The following LRRC53 variants were observed in gnomAD, a reference collection of about 807,000 sequenced individuals.
The protein encoded by LRRC53 is leucine rich repeat containing 53, also known as leucine-rich repeat-containing protein 53.
Under a neutral mutation model 13.6 loss-of-function variants are expected in LRRC53, and 25 were observed. The ratio of observed to expected loss-of-function variants is 1.83; its 90% CI spans 1.34 to 2.56. The LOEUF (loss-of-function observed/expected upper bound fraction) is 2.56, where lower values mean the gene tolerates loss of function less well. Among genes scored for constraint, LRRC53 ranks in the 30% most tolerant of loss-of-function variants. The pLI is 0.00. For missense variants in LRRC53, 527 were observed against 275.8 expected (o/e 1.91, Z -6.45); for synonymous variants, 204 against 109.8 (o/e 1.86, Z -5.37).
the LRRC53 span, among the ~76,000 whole-genome samples, chr1:74,529,189 GA>G: frequency 2.0e-5 from 3 of 152,134 alleles, no homozygotes; most frequent in Non-Finnish European, 2.9e-5. Context: ...AAGAGAAAAA[GA>G]GTAATTTTAT....
chr1:74,473,112 A>G (rs1228076992), intron 4 of LRRC53, among the ~76,000 whole-genome samples: 2 of 152,154 alleles, frequency 1.3e-5, no homozygotes, highest in Non-Finnish European at 1.5e-5. Context: ...GACAAAAATA[A>G]TAGTAATACC....
In LRRC53 at chr1:74,475,541, A is replaced by T. The variant is rs1668157619; in HGVS notation, c.1174T>A (p.Ser392Thr). The change falls in exon 4 of 5, where the codon TCT becomes ACT. Residue 392 changes from serine (S) to threonine (T), a missense_variant. Ser to Thr is a moderately conservative substitution (Grantham distance 58). Coordinates refer to ENST00000294635, the MANE Select transcript of LRRC53 (RefSeq NM_001382280.1). ...NSHQATSASESATLDGSFRNL... is the reference protein window; with the variant it reads ...NSHQATSASETATLDGSFRNL... ...CTAAATGATCCGTCAAGGGTTGCAG[A>T]CTCAGAGGCCGATGTTGCTTGATGG... 1 of 717,304 alleles carries T rather than the reference A, an allele frequency of 1.4e-6. No homozygotes were observed. The highest frequency in any genetic ancestry group is 2.6e-6 in the Non-Finnish European group (1 of 384,950). 44.4% of individuals were successfully genotyped at this position (717,304 alleles called of 1,614,324 possible). A position where few individuals can be genotyped will look rare whatever the true frequency, so the allele number is the denominator to read the frequency against.
intron 1 of LRRC53, among the ~76,000 whole-genome samples, chr1:74,505,770 T>A (rs1201240315): frequency 6.6e-6 from 1 of 152,052 alleles, no homozygotes; most frequent in African/African-American, 2.4e-5. Context: ...ACTAACGAAA[T>A]CTGAAAAAAT....
chr1:74,509,764 T>G (rs1267047913), intron 1 of LRRC53, among the ~76,000 whole-genome samples: 1 of 136,594 alleles, frequency 7.3e-6, no homozygotes, highest in Non-Finnish European at 1.6e-5. Context: ...TTTTTTTTTT[T>G]TTTTTTTTTT....
At chr1:74,484,891 TA>T (rs1668673521) in intron 1 of LRRC53, among the ~76,000 whole-genome samples, 1 of 152,194 alleles carries the variant, frequency 6.6e-6, no homozygotes. Flanking sequence ...TACTTTTAGA[TA>T]AGCAAAGAAC....
the LRRC53 span, among the ~76,000 whole-genome samples, chr1:74,533,078 A>G: frequency 6.6e-6 from 1 of 152,226 alleles, no homozygotes; most frequent in Non-Finnish European, 1.5e-5. Context: ...ATCTAATTAA[A>G]CTAAAGAGCT....
intron 1 of LRRC53, among the ~76,000 whole-genome samples, chr1:74,497,577 C>T (rs1468481029): frequency 4.0e-5 from 6 of 150,574 alleles, no homozygotes; most frequent in African/African-American, 1.2e-4. Context: ...CACACACACA[C>T]ACACATACAC....
chr1:74,532,237 T>G, the LRRC53 span, among the ~76,000 whole-genome samples: 1 of 152,152 alleles, frequency 6.6e-6, no homozygotes, highest in Non-Finnish European at 1.5e-5. Context: ...AGCAAGCAAT[T>G]GTTGGATAAA....
Position 74,471,668 on chromosome 1 carries a change from T to C in LRRC53, c.1954A>G (p.Met652Val), listed in dbSNP as rs1667938285. Reference protein sequence around the residue: ...DPDLVEINRSMMSPKISTPWK... With the variant: ...DPDLVEINRSVMSPKISTPWK... Reference sequence around the variant, plus strand: ...GGGGTTGATATTTTGGGTGACATCATCGACCTATTTATTTCTACTAAATCA... The same window carrying C: ...GGGGTTGATATTTTGGGTGACATCACCGACCTATTTATTTCTACTAAATCA... Residue 652 changes from methionine (M) to valine (V), a missense_variant, in exon 5 of 5, where the codon ATG becomes GTG. Coordinates refer to ENST00000294635, the MANE Select transcript of LRRC53 (RefSeq NM_001382280.1). 2 of 400,764 alleles carry C rather than the reference T, an allele frequency of 5.0e-6. No homozygotes were observed. The highest frequency in any genetic ancestry group is 8.8e-5 in the Admixed American group (2 of 22,732). 24.8% of individuals were successfully genotyped at this position (400,764 alleles called of 1,614,324 possible). A position where few individuals can be genotyped will look rare whatever the true frequency, so the allele number is the denominator to read the frequency against.
rs910891291 is a variant in LRRC53 at position 74,471,295 on chromosome 1, C to T, written c.2327G>A (p.Ser776Asn). ...CSADFLQQSE[S>N]SNYVRLTSKR... ...TGAAGTGAGTCTAACATAGTTGCTA[C>T]TCTCTGACTGTTGAAGAAAATCTGC... Residue 776 changes from serine (S) to asparagine (N), a missense_variant, in exon 5 of 5, where the codon AGT becomes AAT. Physicochemically the swap from Ser to Asn is conservative, Grantham distance 46 (BLOSUM62 1). Coordinates refer to ENST00000294635, the MANE Select transcript of LRRC53 (RefSeq NM_001382280.1). 2.5e-6 allele frequency: 1 copy of T among 400,504 alleles called. No homozygotes were observed. The highest frequency in any genetic ancestry group is 2.1e-5 in the African/African-American group (1 of 48,674). 24.8% of individuals were successfully genotyped at this position (400,504 alleles called of 1,614,324 possible). A position where few individuals can be genotyped will look rare whatever the true frequency, so the allele number is the denominator to read the frequency against.
In LRRC53 at chr1:74,503,268, T is replaced by C. The variant is rs1669727711; in HGVS notation, c.-27+9258A>G. On this transcript the variant is annotated intron_variant, in intron 1 of 4. Coordinates refer to ENST00000294635, the MANE Select transcript of LRRC53 (RefSeq NM_001382280.1). The stretch of plus-strand genomic sequence containing the variant: ...AATACAATAGGGAATCAGCATCTTT[T>C]AGCTAATTCTACTTAGAAATAATTT... Among the ~76,000 whole-genome samples, 2 of 152,218 alleles carry C rather than the reference T, an allele frequency of 1.3e-5. 1 individual carries two copies. The highest frequency in any genetic ancestry group is 4.1e-4 in the South Asian group (2 of 4,836).
chr1:74,484,953 G>C (rs1193034092), intron 1 of LRRC53, among the ~76,000 whole-genome samples: 1 of 152,174 alleles, frequency 6.6e-6, no homozygotes, highest in Non-Finnish European at 1.5e-5. Context: ...AAGGGATGAT[G>C]TGGTGTAGAG....
rs1667900419 is a variant in LRRC53, at chr1:74,471,007, AC to A, written c.2614del (p.Val872CysfsTer5). ...CCAAGTAGTTGCTAAATAACTAAGC[AC>A]TTTTGATTCAAGCTGAGTTGCATCT... Reference protein sequence around the residue: ...MEDATQLESKVLSYLATTWEN... With the variant: ...MEDATQLESKXLSYLATTWEN... On this transcript the variant is annotated frameshift_variant, in exon 5 of 5. Transcript: ENST00000294635. LOFTEE classifies it low-confidence loss of function (END_TRUNC). 15 of 400,700 alleles carry A rather than the reference AC, an allele frequency of 3.7e-5. No homozygotes were observed. In the East Asian group the frequency reaches 5.3e-4, roughly 14 times the overall value. 24.8% of individuals were successfully genotyped at this position (400,700 alleles called of 1,614,324 possible).
At chr1:74,524,217 T>C in the LRRC53 span, among the ~76,000 whole-genome samples, 1 of 152,184 alleles carries the variant, frequency 6.6e-6, no homozygotes, top group Admixed American at 6.5e-5. Context: ...CCATCAGAAG[T>C]ATTTAGAGGC....
Position 74,480,988 on chromosome 1 carries a change from G to T in LRRC53, c.89-20C>A. 1.4e-6 allele frequency: 1 copy of T among 694,792 alleles called. No homozygotes were observed. Among genetic ancestry groups the T allele is most frequent in the South Asian group, 1.6e-5 (1 of 62,280 alleles). 43.0% of individuals were successfully genotyped at this position (694,792 alleles called of 1,614,324 possible). A position where few individuals can be genotyped will look rare whatever the true frequency, so the allele number is the denominator to read the frequency against. On this transcript the variant is annotated intron_variant, in intron 2 of 4. Transcript: ENST00000294635. The stretch of plus-strand genomic sequence containing the variant: ...GGGCTGCTGTGGGGAAAAAAGCACA[G>T]ACTAGATGCAGGGTACACATGAGTG...
chr1:74,501,502 T>TTGTTTGTTTGTC (rs1570708778), intron 1 of LRRC53, among the ~76,000 whole-genome samples: 2 of 148,802 alleles, frequency 1.3e-5, no homozygotes, highest in East Asian at 3.9e-4. Context: ...GTTTGTTTGT[T>TTGTTTGTTTGTC]TGTTTTTTGA....
chr1:74,529,999 C>A, the LRRC53 span, among the ~76,000 whole-genome samples: 1 of 152,068 alleles, frequency 6.6e-6, no homozygotes, highest in Admixed American at 6.6e-5. Context: ...GGGTCTTAAT[C>A]TGTCACCCAG....
chr1:74,505,875 T>C (rs1200423927), intron 1 of LRRC53, among the ~76,000 whole-genome samples: 1 of 152,238 alleles, frequency 6.6e-6, no homozygotes, highest in Non-Finnish European at 1.5e-5. Flanking sequence ...CATTTTTTAT[T>C]AATGTGCAGA....
chr1:74,499,207 G>A (rs274607), intron 1 of LRRC53, among the ~76,000 whole-genome samples: 102,100 of 152,126 alleles, frequency 0.67, 35,848 homozygotes, highest in African/African-American at 0.88. Flanking sequence ...ATTTATTATG[G>A]ATGAACACTT....
Sources: gnomAD v4.1 joint callset for allele counts (sites outside exome capture counted in the v4.1 genomes callset) on GRCh38, gnomAD v4.1.1 for gene constraint, MANE v1.5 for transcripts, NCBI Gene and HGNC (gene_info 2026-07-23, HGNC 2026-07-21) for gene names.